The following PIBF1 variants were observed in gnomAD, a reference collection of about 807,000 sequenced individuals.
PIBF1 encodes the protein progesterone-induced-blocking factor 1.
PIBF1 carries 90 observed loss-of-function variants against 112.5 expected under a neutral mutation model. That is an observed-to-expected ratio of 0.80 (90% CI 0.67 to 0.95). PIBF1 has a LOEUF of 0.95. Ranked by LOEUF, PIBF1 falls within the 40% of genes least tolerant of loss-of-function variation. The pLI is 0.00. For synonymous variants in PIBF1, 301 were observed against 288.6 expected (o/e 1.04, Z -0.44); for missense variants, 915 against 852.3 (o/e 1.07, Z -0.92).
chr13:72,862,453 A>G (rs1221946783), intron 10 of PIBF1, among the ~76,000 whole-genome samples: 1 of 152,152 alleles, frequency 6.6e-6, no homozygotes. Flanking sequence ...AAATAAATTA[A>G]TTAATTTGGT....
intron 5 of PIBF1, among the ~76,000 whole-genome samples, chr13:72,806,484 A>G (rs1236751134): frequency 6.6e-6 from 1 of 151,808 alleles, no homozygotes. Flanking sequence ...ATCAACCCGT[A>G]TCTACATTAG....
rs1228083557 is a variant in PIBF1, at chr13:72,893,959, C to G, written c.1488+10C>G. On this transcript the variant is annotated intron_variant, in intron 11 of 17. Coordinates refer to ENST00000326291, the MANE Select transcript of PIBF1 (RefSeq NM_006346.4). ...TCAGAAAAAATTGGAGGTACATGTA[C>G]AAGCTTTTCTTTCAACATTAGCATG... The G allele has an allele frequency of 5.8e-6, 8 of 1,369,736 alleles. No homozygotes were observed. Among genetic ancestry groups the G allele is most frequent in the Non-Finnish European group, 7.7e-6 (8 of 1,036,746 alleles). The allele number at this position is 1,369,736 out of a possible 1,614,324, so 84.8% of individuals were successfully genotyped here. A position where few individuals can be genotyped will look rare whatever the true frequency, so the allele number is the denominator to read the frequency against.
rs373377429 is a variant in PIBF1, at chr13:72,932,642, A to T, written c.1833+1375A>T. 6.6e-5 allele frequency among the ~76,000 whole-genome samples: 10 copies of T among 152,164 alleles called. No individual in the cohort carries two copies. In the East Asian group the frequency reaches 1.5e-3, roughly 23 times the overall value. On this transcript the variant is annotated intron_variant, in intron 14 of 17. Transcript: ENST00000326291. ...TAAGGTTACTGAAGATGGAGTAAAG[A>T]TTGTCAGCAGCATACCAGTACTTAA...
At chr13:72,808,418 A>T (rs1206438858) in intron 5 of PIBF1, among the ~76,000 whole-genome samples, 1 of 152,196 alleles carries the variant, frequency 6.6e-6, no homozygotes, top group South Asian at 2.1e-4. Flanking sequence ...CAAGTAACTT[A>T]AAATTGTTTA....
intron 10 of PIBF1, among the ~76,000 whole-genome samples, chr13:72,881,950 A>G (rs1293163848): frequency 6.6e-6 from 1 of 152,122 alleles, no homozygotes; most frequent in Non-Finnish European, 1.5e-5. Flanking sequence ...CCTAAAATGT[A>G]TATGGAACCA....
At chr13:72,788,213 G>T (rs1018444113) in intron 2 of PIBF1, among the ~76,000 whole-genome samples, 1 of 152,138 alleles carries the variant, frequency 6.6e-6, no homozygotes, top group African/African-American at 2.4e-5. Flanking sequence ...CCTGTCATTG[G>T]AAGCATTTAA....
chr13:72,794,584 A>G (rs938754545), intron 3 of PIBF1, among the ~76,000 whole-genome samples: 1 of 152,162 alleles, frequency 6.6e-6, no homozygotes, highest in African/African-American at 2.4e-5. Flanking sequence ...GGTCTTTCCC[A>G]TGCTGTTCTC....
At chr13:72,988,902 G>A (rs1034320630) in intron 16 of PIBF1, among the ~76,000 whole-genome samples, 3 of 152,088 alleles carry the variant, frequency 2.0e-5, no homozygotes, top group East Asian at 1.9e-4. Context: ...GCCAGAAGTG[G>A]TGGCACACCC....
intron 5 of PIBF1, among the ~76,000 whole-genome samples, chr13:72,802,460 G>T (rs935691067): frequency 2.6e-5 from 4 of 152,132 alleles, no homozygotes; most frequent in African/African-American, 9.7e-5. Flanking sequence ...GGTAGCAGGG[G>T]AAGTGGTAGA....
intron 12 of PIBF1, among the ~76,000 whole-genome samples, chr13:72,913,076 T>C (rs1288023917): frequency 1.3e-5 from 2 of 151,788 alleles, no homozygotes; most frequent in African/African-American, 4.8e-5. Flanking sequence ...TTTTTATTTT[T>C]AAAAAGACAA....
intron 5 of PIBF1, among the ~76,000 whole-genome samples, chr13:72,814,764 T>C (rs1371120296): frequency 3.3e-5 from 5 of 151,830 alleles, no homozygotes; most frequent in Non-Finnish European, 7.4e-5. Context: ...AATAAATACA[T>C]GTAGTACTCA....
At chr13:72,954,219 C>G (rs568151216) in intron 14 of PIBF1, among the ~76,000 whole-genome samples, 1 of 152,136 alleles carries the variant, frequency 6.6e-6, no homozygotes, top group African/African-American at 2.4e-5. Flanking sequence ...CTAACAGCAA[C>G]TAGCTGTGTT....
rs2042307146 is a variant in PIBF1, at chr13:72,951,913, G to T, written c.1834-13361G>T. The stretch of plus-strand genomic sequence containing the variant: ...GACGGGGTTTCACCATATTGGCCAG[G>T]CTGGTCTTGTTGGCCATGTTGGCCA... On this transcript the variant is annotated intron_variant, in intron 14 of 17. Transcript: ENST00000326291. Among the ~76,000 whole-genome samples the T allele has an allele frequency of 2.0e-5, 3 of 152,110 alleles. No homozygotes were observed. The South Asian group carries it at 6.2e-4, about 32-fold the overall frequency.
chr13:72,855,633 A>G (rs901534704), intron 10 of PIBF1, among the ~76,000 whole-genome samples: 7 of 152,270 alleles, frequency 4.6e-5, no homozygotes, highest in Admixed American at 1.3e-4. Context: ...TGGGCGACAG[A>G]GTGAGACTCT....
intron 2 of PIBF1, among the ~76,000 whole-genome samples, chr13:72,784,498 C>T (rs553105900): frequency 6.6e-6 from 1 of 151,554 alleles, no homozygotes; most frequent in South Asian, 2.1e-4. Context: ...GTGGCTCACA[C>T]CTGTAATTCC....
chr13:72,831,545 G>A (rs1419732799), intron 8 of PIBF1, among the ~76,000 whole-genome samples: 2 of 152,158 alleles, frequency 1.3e-5, no homozygotes, highest in African/African-American at 4.8e-5. Context: ...TCAGGAGCAG[G>A]TTGTTCATTT....
rs547972551 is a variant in PIBF1, at chr13:72,936,113, G to A, written c.1833+4846G>A. Among the ~76,000 whole-genome samples, 190 of 151,868 alleles carry A rather than the reference G, an allele frequency of 1.3e-3. 1 individual carries two copies. Among genetic ancestry groups the A allele is most frequent in the Admixed American group, 3.9e-3 (60 of 15,236 alleles). On this transcript the variant is annotated intron_variant, in intron 14 of 17. Transcript: ENST00000326291. ...TGTAATCATAGCTCATTGCAGCCTC[G>A]AACTCTTGGACTCAAGAGCCTCAAA...
At chr13:72,897,885 A>T (rs1206665254) in intron 11 of PIBF1, among the ~76,000 whole-genome samples, 3 of 152,212 alleles carry the variant, frequency 2.0e-5, no homozygotes, top group African/African-American at 4.8e-5. Context: ...ACAGCACTAG[A>T]GAGGTCTTTA....
intron 5 of PIBF1, among the ~76,000 whole-genome samples, chr13:72,798,420 G>A (rs1390023028): frequency 1.3e-5 from 2 of 152,112 alleles, no homozygotes; most frequent in Non-Finnish European, 2.9e-5. Context: ...AGAAATGTAG[G>A]CCAAGCTATG....
Sources: gnomAD v4.1 joint callset for allele counts (sites outside exome capture counted in the v4.1 genomes callset) on GRCh38, gnomAD v4.1.1 for gene constraint, MANE v1.5 for transcripts, NCBI Gene and HGNC (gene_info 2026-07-23, HGNC 2026-07-21) for gene names.